Variants in HUS1 observed in about 807,000 individuals in gnomAD.
The protein encoded by HUS1 is checkpoint protein HUS1.
In HUS1, 31 loss-of-function variants were observed where a neutral mutation model predicts 32.6. The observed-to-expected ratio is 0.95, with a 90% CI of 0.72 to 1.28. The LOEUF is 1.28. Ranked by LOEUF, HUS1 falls within the 50% of genes most tolerant of loss-of-function variation. The pLI is 0.00. For missense variants in HUS1, 340 were observed against 337.7 expected, an observed-to-expected ratio of 1.01 and a Z score of -0.05; for synonymous variants, 123 against 116.6, an observed-to-expected ratio of 1.06 and a Z score of -0.36.
chr7:47,978,587 A>T lies in HUS1; in HGVS notation c.187T>A (p.Phe63Ile), dbSNP rs1788758617. The change falls in exon 3 of 8, where the codon TTC (phenylalanine) becomes ATC (isoleucine). Residue 63 changes from phenylalanine (F) to isoleucine (I), a missense_variant. By Grantham distance (21) the Phe-to-Ile change is conservative. Transcript: ENST00000258774. ...CCCTCCATTTGAAATTCGTTGAAGA[A>T]GTTCTCCTAAGGGAAAAAAAATGAG... is the stretch of plus-strand genomic sequence containing the variant. Reference protein sequence around the residue: ...SMWCELEQENFFNEFQMEGVS... With the variant: ...SMWCELEQENIFNEFQMEGVS... The T allele has an allele frequency of 6.2e-7, 1 of 1,613,972 alleles. No homozygotes were observed. Among genetic ancestry groups the T allele is most frequent in the Non-Finnish European group, 8.5e-7 (1 of 1,179,804 alleles).
chr7:47,967,083 G>A (rs928829369), intron 7 of HUS1, among the ~76,000 whole-genome samples: 3 of 152,216 alleles, frequency 2.0e-5, no homozygotes, highest in Admixed American at 6.5e-5. Flanking sequence ...GGGATGAGGT[G>A]CAGTGTTGGC....
chr7:47,968,139 A>C (rs1029534188), intron 6 of HUS1, among the ~76,000 whole-genome samples: 1 of 152,232 alleles, frequency 6.6e-6, no homozygotes, highest in Non-Finnish European at 1.5e-5. Flanking sequence ...CTTTATTTAC[A>C]GGGGACTTGA....
intron 5 of HUS1, among the ~76,000 whole-genome samples, chr7:47,970,259 A>G (rs1423966663): frequency 7.0e-6 from 1 of 143,732 alleles, no homozygotes; most frequent in African/African-American, 2.5e-5. Context: ...AAAAAAGAGA[A>G]ATGAACAATA....
At chr7:47,969,190 A>C in intron 6 of HUS1, 29 bp downstream of exon 6, 4 of 1,162,996 alleles carry the variant, frequency 3.4e-6, no homozygotes, top group Non-Finnish European at 5.0e-6. Context: ...ACTTATCCAA[A>C]GCAAAATATA....
chr7:47,976,261 G>T (rs1013818063), intron 4 of HUS1: 3 of 431,540 alleles, frequency 7.0e-6, no homozygotes, highest in African/African-American at 6.1e-5. Flanking sequence ...TGAGCAAGAG[G>T]AAATGGGCCC....
rs114754011 is a variant in HUS1 at position 47,965,260 on chromosome 7, G to A, written c.*96C>T. On this transcript the variant is annotated 3_prime_UTR_variant, in exon 8 of 8. Coordinates refer to ENST00000258774, the MANE Select transcript of HUS1 (RefSeq NM_004507.4). ...AAATAAGTACAGTGTGTCGATGTGC[G>A]GTGCTGTGAGGGCACAGACCAGTGA... is the stretch of plus-strand genomic sequence containing the variant. The A allele has an allele frequency of 8.4e-4, 649 of 776,538 alleles. 3 individuals are homozygous for A. The African/African-American group carries it at 1.0e-2, about 12-fold the overall frequency. 48.1% of individuals were successfully genotyped at this position (776,538 alleles called of 1,614,324 possible).
At chr7:47,971,746 T>C (rs1299130306) in intron 5 of HUS1, among the ~76,000 whole-genome samples, 5 of 152,218 alleles carry the variant, frequency 3.3e-5, no homozygotes, top group African/African-American at 4.8e-5. Flanking sequence ...ACCTAGCAAC[T>C]GGTCTTATTT....
intron 5 of HUS1, 114 bp downstream of exon 5, chr7:47,975,499 T>C (rs1276703681): frequency 2.7e-5 from 19 of 706,792 alleles, no homozygotes; most frequent in South Asian, 2.5e-4. Flanking sequence ...TCCTCATAAG[T>C]GGGAACTCGG....
rs369947303 is a variant in HUS1 at position 47,967,859 on chromosome 7, T to C, written c.707A>G (p.Lys236Arg). 5 of 1,613,936 alleles carry C rather than the reference T, an allele frequency of 3.1e-6. No homozygotes were observed. In the African/African-American group the frequency reaches 5.3e-5, roughly 17 times the overall value. The change falls in exon 7 of 8, where the codon AAG becomes AGG. Residue 236 changes from lysine (K) to arginine (R), a missense_variant. Physicochemically the swap from Lys to Arg is conservative, Grantham distance 26. Coordinates refer to ENST00000258774, the MANE Select transcript of HUS1 (RefSeq NM_004507.4). Reference protein sequence around the residue: ...HMAEVHIDIRKLLQFLAGQQV... With the variant: ...HMAEVHIDIRRLLQFLAGQQV... Reference sequence around the variant, plus strand: ...TTGTCCAGCAAGAAACTGTAGGAGCTTCCTAATATCTATGTGCACTTCAGC... The same window carrying C: ...TTGTCCAGCAAGAAACTGTAGGAGCCTCCTAATATCTATGTGCACTTCAGC...
intron 7 of HUS1, among the ~76,000 whole-genome samples, chr7:47,965,854 C>G (rs1788467142): frequency 6.6e-6 from 1 of 152,086 alleles, no homozygotes; most frequent in Non-Finnish European, 1.5e-5. Flanking sequence ...GGGATGGATC[C>G]CTGCATCTCA....
At chr7:47,969,617 C>T (rs1335370836) in intron 5 of HUS1, among the ~76,000 whole-genome samples, 2 of 152,162 alleles carry the variant, frequency 1.3e-5, no homozygotes, top group Non-Finnish European at 1.5e-5. Context: ...CAGGAGACTA[C>T]AGCAGCACAA....
At position 47,969,240 on chromosome 7, in the gene HUS1, C is replaced by T. The variant is rs1237795972; in HGVS notation, c.619G>A (p.Asp207Asn). 6.4e-7 allele frequency: 1 copy of T among 1,572,564 alleles called. No homozygotes were observed. The highest frequency in any genetic ancestry group is 1.8e-5 in the Admixed American group (1 of 56,364). Residue 207 changes from aspartate (D) to asparagine (N), a missense_variant, in exon 6 of 8, where the codon GAT becomes AAT. By Grantham distance (23) the Asp-to-Asn change is conservative (BLOSUM62 1). Transcript: ENST00000258774. ...TTACCTAATGGAGGATTTCCAAGAT[C>T]TTTAAAATGAGTTGTAACACATACT... is the stretch of plus-strand genomic sequence containing the variant. The part of the protein sequence containing the change: ...ELVCVTTHFK[D>N]LGNPPLASES...
intron 3 of HUS1, 27 bp downstream of exon 3, chr7:47,978,390 G>T: frequency 6.3e-7 from 1 of 1,596,102 alleles, no homozygotes; most frequent in Non-Finnish European, 8.6e-7. Flanking sequence ...AGACTTCTGT[G>T]TTAGAAACCC....
rs181609369 is a variant in HUS1, at chr7:47,976,911, G to T, written c.358-74C>A. The T allele has an allele frequency of 3.0e-5, 30 of 1,003,544 alleles. No homozygotes were observed. In the Admixed American group the frequency reaches 5.9e-4, roughly 20 times the overall value. The allele number at this position is 1,003,544 out of a possible 1,614,324, so 62.2% of individuals were successfully genotyped here. On this transcript the variant is annotated intron_variant, in intron 3 of 7. Transcript: ENST00000258774. ...AACAACAAAACAAACCCGAAGACCC[G>T]GGACAAAAAAGTTGAAATACCAAAT...
intron 4 of HUS1, 29 bp from the exon 5 acceptor site, chr7:47,975,716 G>A (rs746395348): frequency 1.7e-5 from 23 of 1,352,966 alleles, no homozygotes; most frequent in East Asian, 2.3e-5. Context: ...AAAAGCACAA[G>A]TATTAAAAAT....
intron 3 of HUS1, 88 bp downstream of exon 3, chr7:47,978,329 G>GT: frequency 8.9e-7 from 1 of 1,121,008 alleles, no homozygotes. Context: ...GCTTTCAACA[G>GT]TATTTATTGT....
chr7:47,979,346 C>T (rs1788777114), intron 1 of HUS1, 122 bp downstream of exon 1: 9 of 1,052,766 alleles, frequency 8.5e-6, no homozygotes, highest in African/African-American at 3.2e-5. Context: ...CCCATCCCGG[C>T]CCCATCCTCC....
intron 1 of HUS1, among the ~76,000 whole-genome samples, chr7:47,979,212 A>T (rs1788773787): frequency 6.6e-6 from 1 of 152,034 alleles, no homozygotes; most frequent in Admixed American, 6.6e-5. Flanking sequence ...GCTTTTTTTT[A>T]AAGCCACGTG....
chr7:47,967,636 C>T (rs1274046739), intron 7 of HUS1, among the ~76,000 whole-genome samples, 170 bp downstream of exon 7: 1 of 151,086 alleles, frequency 6.6e-6, no homozygotes, highest in Non-Finnish European at 1.5e-5. Flanking sequence ...ACTTCTGAAT[C>T]TAGGAAAATT....
Sources: allele counts gnomAD v4.1 joint callset (sites outside exome capture counted in the v4.1 genomes callset), GRCh38; gene constraint gnomAD v4.1.1; transcripts MANE v1.5; gene names NCBI Gene and HGNC (gene_info 2026-07-23, HGNC 2026-07-21).